JAKMIP1: variants seen among roughly 807,000 people sequenced by gnomAD.
JAKMIP1 encodes the protein janus kinase and microtubule-interacting protein 1.
A neutral mutation model predicts 113.0 loss-of-function variants in JAKMIP1; 33 were observed. The observed-to-expected ratio is 0.29, with a 90% CI of 0.22 to 0.39. The LOEUF (loss-of-function observed/expected upper bound fraction) is 0.39. JAKMIP1 is among the 10% of genes least tolerant of loss of function. The pLI, the probability that JAKMIP1 is intolerant of heterozygous loss-of-function variation, is 1.00. For missense variants in JAKMIP1, 813 were observed against 1,080.5 expected, an observed-to-expected ratio of 0.75 and a Z score of 3.47; for synonymous variants, 480 against 459.9, an observed-to-expected ratio of 1.04 and a Z score of -0.56.
In JAKMIP1 at chr4:6,139,352, G is replaced by A. The variant is rs73075419; in HGVS notation, c.-147-26355C>T. 4.9e-3 allele frequency among the ~76,000 whole-genome samples: 743 copies of A among 152,280 alleles called. 10 individuals carry two copies. Among genetic ancestry groups the A allele is most frequent in the African/African-American group, 0.017 (695 of 41,514 alleles). On this transcript the variant is annotated intron_variant, in intron 1 of 20. Transcript: ENST00000409021. This position sits in a 1 kb window ranked among gnomAD's most constrained non-coding sequence, Gnocchi z 5.2. ...TGTCACTCCCAAATTCATACGCTGA[G>A]GTCCTAACCCCCAGTACCCTCAGAG... is the stretch of plus-strand genomic sequence containing the variant.
In JAKMIP1 at chr4:6,069,528, C is replaced by T. The variant is rs1327611377; in HGVS notation, c.1303-4520G>A. On this transcript the variant is annotated intron_variant, in intron 8 of 20. Coordinates refer to ENST00000409021, the MANE Select transcript of JAKMIP1 (RefSeq NM_001099433.2). This position sits in a 1 kb window ranked among gnomAD's most constrained non-coding sequence, Gnocchi z 4.5. Reference sequence around the variant, plus strand: ...CTTTGGGAGGCTGAGGCAGAAAGATCGCTTGAGCCCAGGAGTTCAAGATCA... The same window carrying T: ...CTTTGGGAGGCTGAGGCAGAAAGATTGCTTGAGCCCAGGAGTTCAAGATCA... Among the ~76,000 whole-genome samples the T allele has an allele frequency of 1.3e-5, 2 of 152,024 alleles. No individual in the cohort carries two copies. The highest frequency in any genetic ancestry group is 2.4e-5 in the African/African-American group (1 of 41,372).
At chr4:6,092,569 T>C (rs924099938) in intron 3 of JAKMIP1, among the ~76,000 whole-genome samples, 3 of 152,310 alleles carry the variant, frequency 2.0e-5, no homozygotes, top group Admixed American at 6.5e-5. Flanking sequence ...GAGGAAAAGA[T>C]AGAATATAAG....
chr4:6,072,835 T>C (rs1281454542), intron 8 of JAKMIP1, among the ~76,000 whole-genome samples: 1 of 152,060 alleles, frequency 6.6e-6, no homozygotes, highest in Non-Finnish European at 1.5e-5. Context: ...ATGTTTGACT[T>C]TGGGAGGCCG....
chr4:6,092,253 T>A (rs1722159313), intron 3 of JAKMIP1, among the ~76,000 whole-genome samples: 1 of 151,790 alleles, frequency 6.6e-6, no homozygotes, highest in Admixed American at 6.6e-5. Flanking sequence ...AGAGGAGCCC[T>A]GTACTGTCAG....
intron 16 of JAKMIP1, among the ~76,000 whole-genome samples, chr4:6,043,242 A>C (rs1322603930): frequency 6.6e-6 from 1 of 151,012 alleles, no homozygotes; most frequent in Non-Finnish European, 1.5e-5. Flanking sequence ...CTGCCACCAG[A>C]TCCCGGCTGT....
At chr4:6,083,630 A>T (rs1429584644) in intron 5 of JAKMIP1, among the ~76,000 whole-genome samples, 1 of 152,094 alleles carries the variant, frequency 6.6e-6, no homozygotes, top group Non-Finnish European at 1.5e-5. Context: ...ACATTTAAAA[A>T]TACTGGAAGG....
intron 3 of JAKMIP1, among the ~76,000 whole-genome samples, chr4:6,096,629 G>A (rs893243806): frequency 1.3e-5 from 2 of 152,208 alleles, no homozygotes; most frequent in Admixed American, 1.3e-4. Flanking sequence ...GAGGATCCAT[G>A]GCCTGAGGCT....
In JAKMIP1 at chr4:6,069,877, AGAG is replaced by A. The variant is rs977939737; in HGVS notation, c.1303-4872_1303-4870del. Among the ~76,000 whole-genome samples, 79 of 152,318 alleles carry A rather than the reference AGAG, an allele frequency of 5.2e-4. No individual in the cohort carries two copies. Among genetic ancestry groups the A allele is most frequent in the African/African-American group, 1.9e-3 (79 of 41,562 alleles). On this transcript the variant is annotated intron_variant, in intron 8 of 20. Coordinates refer to ENST00000409021, the MANE Select transcript of JAKMIP1 (RefSeq NM_001099433.2). The surrounding 1 kb of genome is among the most constrained non-coding windows in gnomAD (Gnocchi z 4.5). ...CGGGTCAGATGAAGCAGAGGGAAAA[AGAG>A]GAGGTACCCCCAAAACAAATAGCCC...
chr4:6,169,909 T>C (rs1724143621), intron 1 of JAKMIP1, among the ~76,000 whole-genome samples: 1 of 150,942 alleles, frequency 6.6e-6, no homozygotes, highest in African/African-American at 2.4e-5. Context: ...ATGCACTCTG[T>C]AATCTTTAAG....
At chr4:6,125,858 AGAAACTCGCG>A (rs1717431465) in intron 1 of JAKMIP1, among the ~76,000 whole-genome samples, 1 of 6,536 alleles carries the variant, frequency 1.5e-4, no homozygotes, top group Non-Finnish European at 3.5e-4. Flanking sequence ...CCCCCCATAC[AGAAACTCGCG>A]CCATACACTC....
In JAKMIP1 at chr4:6,200,182, C is replaced by T. The variant is rs1290082705; in HGVS notation, c.-148+71G>A. On this transcript the variant is annotated intron_variant, in intron 1 of 20. Coordinates refer to ENST00000409021, the MANE Select transcript of JAKMIP1 (RefSeq NM_001099433.2). This position sits in a 1 kb window ranked among gnomAD's most constrained non-coding sequence, Gnocchi z 7.0. ...GCGTCCCTTGCCGCCAGGTCCGCCC[C>T]TCGGTCGCCGGGTCCACGGGTTCCC... 1 of 152,044 alleles carries T rather than the reference C, an allele frequency of 6.6e-6. No individual in the cohort carries two copies. The highest frequency in any genetic ancestry group is 1.5e-5 in the Non-Finnish European group (1 of 68,110). The allele number at this position is 152,044 out of a possible 1,614,324, so 9.4% of individuals were successfully genotyped here.
intron 1 of JAKMIP1, among the ~76,000 whole-genome samples, chr4:6,148,206 G>A (rs187922647): frequency 1.3e-5 from 2 of 152,350 alleles, no homozygotes; most frequent in East Asian, 3.9e-4. Context: ...AAGTTGAATA[G>A]CAGCTGGAGT....
At chr4:6,045,851 C>T (rs1014972919) in intron 16 of JAKMIP1, among the ~76,000 whole-genome samples, 1 of 151,974 alleles carries the variant, frequency 6.6e-6, no homozygotes, top group African/African-American at 2.4e-5. Context: ...GCCTGGGTGA[C>T]AGAGTGAGAC....
intron 9 of JAKMIP1, among the ~76,000 whole-genome samples, chr4:6,063,137 G>A (rs1010457600): frequency 2.0e-5 from 3 of 150,584 alleles, no homozygotes; most frequent in Admixed American, 6.6e-5. Context: ...GCTAGACTCC[G>A]TCTCCAAAAA....
In JAKMIP1 at chr4:6,098,654, GA is replaced by G. The variant is rs201188469; in HGVS notation, c.624+6818del. ...AAGAAAGAAAAGAAAGAAAGGAAAG[GA>G]AAGGAAGAAAGAGAGAGAAAGAAAG... is the stretch of plus-strand genomic sequence containing the variant. On this transcript the variant is annotated intron_variant, in intron 3 of 20. Transcript: ENST00000409021. Among the ~76,000 whole-genome samples, 83 of 126,612 alleles carry G rather than the reference GA, an allele frequency of 6.6e-4. 1 individual carries two copies. The highest frequency in any genetic ancestry group is 4.1e-3 in the Middle Eastern group (1 of 242). The allele number at this position is 126,612 out of a possible 152,430, so 83.1% of individuals were successfully genotyped here. A position where few individuals can be genotyped will look rare whatever the true frequency, so the allele number is the denominator to read the frequency against.
chr4:6,062,270 C>A (rs756233639), intron 10 of JAKMIP1, 42 bp downstream of exon 10: 1 of 1,609,262 alleles, frequency 6.2e-7, no homozygotes, highest in Non-Finnish European at 8.5e-7. Context: ...CATGACCTGG[C>A]CTTCGGCCCC....
In JAKMIP1 at chr4:6,040,859, C is replaced by A; in HGVS notation, c.2098-143G>T. The A allele has an allele frequency of 2.9e-6, 2 of 680,040 alleles. No homozygotes were observed. The highest frequency in any genetic ancestry group is 2.7e-5 in the East Asian group (1 of 36,704). 42.1% of individuals were successfully genotyped at this position (680,040 alleles called of 1,614,324 possible). A position where few individuals can be genotyped will look rare whatever the true frequency, so the allele number is the denominator to read the frequency against. The stretch of plus-strand genomic sequence containing the variant: ...GGGACTTGGTGGTCTTCCCCGTTTG[C>A]CCCCACATGAATCACCCAGCAGGAG... On this transcript the variant is annotated intron_variant, in intron 17 of 20. Transcript: ENST00000409021. This position sits in a 1 kb window ranked among gnomAD's most constrained non-coding sequence, Gnocchi z 5.8.
At chr4:6,196,882 C>T (rs1727910198) in intron 1 of JAKMIP1, among the ~76,000 whole-genome samples, 1 of 151,026 alleles carries the variant, frequency 6.6e-6, no homozygotes, top group Non-Finnish European at 1.5e-5. Context: ...AAAACAAAAG[C>T]ACCAAGAAGG....
intron 2 of JAKMIP1, among the ~76,000 whole-genome samples, chr4:6,107,541 C>T (rs1036186819): frequency 6.6e-6 from 1 of 152,088 alleles, no homozygotes; most frequent in African/African-American, 2.4e-5. Flanking sequence ...GTAGGTGGGC[C>T]TCATCCAATC....
Sources: allele counts gnomAD v4.1 joint callset (sites outside exome capture counted in the v4.1 genomes callset), GRCh38; gene constraint gnomAD v4.1.1; non-coding constraint Gnocchi (gnomAD v3.1); transcripts MANE v1.5; gene names NCBI Gene and HGNC (gene_info 2026-07-23, HGNC 2026-07-21).